ZNF608: variants seen among roughly 807,000 people sequenced by gnomAD.
The protein encoded by ZNF608 is zinc finger protein 608.
Under a neutral mutation model 109.0 loss-of-function variants are expected in ZNF608, and 12 were observed. The observed-to-expected ratio is 0.11, with a 90% CI of 0.07 to 0.18. The LOEUF (loss-of-function observed/expected upper bound fraction) is 0.18. Among genes scored for constraint, ZNF608 ranks in the 10% least tolerant of loss-of-function variants. The pLI is 1.00. For missense variants in ZNF608, 1,707 were observed against 1,879.3 expected, an observed-to-expected ratio of 0.91 and a Z score of 1.70; for synonymous variants, 732 against 717.4, an observed-to-expected ratio of 1.02 and a Z score of -0.33.
chr5:124,639,708 C>T (rs1750150840), intron 8 of ZNF608, among the ~76,000 whole-genome samples: 1 of 152,198 alleles, frequency 6.6e-6, no homozygotes, highest in African/African-American at 2.4e-5. Flanking sequence ...TTAACTTTCA[C>T]CCTGCAAGAC....
chr5:124,667,173 A>G (rs1751512868), intron 3 of ZNF608, among the ~76,000 whole-genome samples: 1 of 152,216 alleles, frequency 6.6e-6, no homozygotes, highest in Admixed American at 6.5e-5. Context: ...ATCTACTTAG[A>G]CCGTATTCAC....
chr5:124,645,563 TG>T (rs558770022), intron 5 of ZNF608, among the ~76,000 whole-genome samples: 267 of 151,412 alleles, frequency 1.8e-3, no homozygotes, highest in Non-Finnish European at 3.0e-3. Flanking sequence ...TATCTAAGCA[TG>T]GGGGTGAGGG....
intron 3 of ZNF608, among the ~76,000 whole-genome samples, chr5:124,673,532 C>T (rs1194521646): frequency 7.9e-5 from 12 of 151,880 alleles, no homozygotes; most frequent in Admixed American, 5.9e-4. Flanking sequence ...TAATAGAATT[C>T]GATAGATTCT....
intron 3 of ZNF608, among the ~76,000 whole-genome samples, chr5:124,693,972 A>ATTTTTTTTTTTT (rs1561564262): frequency 7.7e-4 from 18 of 23,310 alleles, no homozygotes; most frequent in Non-Finnish European, 9.7e-4. Context: ...CATTTCATTA[A>ATTTTTTTTTTTT]TCTTTTTTTT....
At chr5:124,748,673 CTGTGTA>C, upstream of ZNF608, 2 of 696,990 alleles carry the variant, frequency 2.9e-6, no homozygotes, top group Non-Finnish European at 3.5e-6. Context: ...ACAGACCGTC[CTGTGTA>C]TTTTTTATAA....
At chr5:124,737,688 G>A (rs1264313539) in intron 2 of ZNF608, among the ~76,000 whole-genome samples, 1 of 152,066 alleles carries the variant, frequency 6.6e-6, no homozygotes, top group Non-Finnish European at 1.5e-5. Flanking sequence ...ATTCCCAAAG[G>A]TATTTCCAAG....
chr5:124,646,803 T>C lies in ZNF608; in HGVS notation c.3581A>G (p.Gln1194Arg). The C allele has an allele frequency of 6.2e-7, 1 of 1,614,250 alleles. No homozygotes were observed. The highest frequency in any genetic ancestry group is 8.5e-7 in the Non-Finnish European group (1 of 1,180,040). ...CTGCTTAGCTTTGAAGCTGTCGGCC[T>C]GAAGCTGCTGCTGGTGATTGGAGAG... is the stretch of plus-strand genomic sequence containing the variant. ...QLLSNHQQQL[Q>R]ADSFKAKQME... The change falls in exon 5 of 10, where the codon CAG becomes CGG. Residue 1194 changes from glutamine to arginine, a missense_variant. This residue lies in a region of ZNF608 where 1,073 missense variants were observed against 1,133.5 expected (regional missense o/e 0.95). Coordinates refer to ENST00000513986, the MANE Select transcript of ZNF608 (RefSeq NM_020747.3).
At chr5:124,736,945 C>T (rs1749181280) in intron 2 of ZNF608, among the ~76,000 whole-genome samples, 1 of 152,194 alleles carries the variant, frequency 6.6e-6, no homozygotes, top group African/African-American at 2.4e-5. Context: ...ATCAGTGCAA[C>T]CAAAGACCAA....
In ZNF608 at chr5:124,666,739, G is replaced by A. The variant is rs967377143; in HGVS notation, c.1163-17042C>T. ...TGTGTGTGTGTGTGTGTGTGTGTGTGTGTGTGTGTGTGTGTGTGTTTCATC... is the reference window on the plus strand; with the variant it reads ...TGTGTGTGTGTGTGTGTGTGTGTGTATGTGTGTGTGTGTGTGTGTTTCATC... On this transcript the variant is annotated intron_variant, in intron 3 of 9. Coordinates refer to ENST00000513986, the MANE Select transcript of ZNF608 (RefSeq NM_020747.3). Among the ~76,000 whole-genome samples the A allele has an allele frequency of 1.3e-3, 189 of 151,118 alleles. 1 individual carries two copies. The highest frequency in any genetic ancestry group is 2.4e-4 in the Non-Finnish European group (16 of 67,558).
upstream of ZNF608, chr5:124,746,867 A>G (rs1230828830): frequency 1.2e-6 from 1 of 803,316 alleles, no homozygotes; most frequent in Non-Finnish European, 1.5e-6. Context: ...AGAGGAGAAA[A>G]AGAAAGGTGT....
At chr5:124,712,541 T>G (rs1753539093) in intron 2 of ZNF608, among the ~76,000 whole-genome samples, 1 of 152,046 alleles carries the variant, frequency 6.6e-6, no homozygotes, top group Non-Finnish European at 1.5e-5. Context: ...GCAGAGTGGC[T>G]GGAGAGGGAC....
At chr5:124,671,353 C>T (rs1273194587) in intron 3 of ZNF608, among the ~76,000 whole-genome samples, 3 of 152,280 alleles carry the variant, frequency 2.0e-5, no homozygotes, top group East Asian at 3.9e-4. Context: ...TGTGCCAAGA[C>T]TCACCTTGCC....
chr5:124,691,421 C>T (rs984906767), intron 3 of ZNF608, among the ~76,000 whole-genome samples: 2 of 152,096 alleles, frequency 1.3e-5, no homozygotes, highest in African/African-American at 4.8e-5. Context: ...CATGAGACAC[C>T]ATCTCATACC....
Position 124,675,065 on chromosome 5 carries a change from A to G in ZNF608, c.1163-25368T>C, listed in dbSNP as rs577595598. ...CTATGTTTGCCAAATACAACAACTA[A>G]TTAAAAACAAATAAATTAAAAACAA... On this transcript the variant is annotated intron_variant, in intron 3 of 9. Coordinates refer to ENST00000513986, the MANE Select transcript of ZNF608 (RefSeq NM_020747.3). Among the ~76,000 whole-genome samples, 9 of 152,280 alleles carry G rather than the reference A, an allele frequency of 5.9e-5. No individual in the cohort carries two copies. In the East Asian group the frequency reaches 1.7e-3, roughly 29 times the overall value.
intron 3 of ZNF608, among the ~76,000 whole-genome samples, chr5:124,694,069 G>C (rs375708446): frequency 7.4e-6 from 1 of 134,640 alleles, no homozygotes; most frequent in Non-Finnish European, 1.5e-5. Context: ...TCTGCCTCCC[G>C]GTTTCACGCC....
chr5:124,647,085 G>C lies in ZNF608; in HGVS notation c.3299C>G (p.Ala1100Gly), dbSNP rs892187993. The change falls in exon 5 of 10, where the codon GCC becomes GGC. Residue 1100 changes from alanine (A) to glycine (G), a missense_variant. Transcript: ENST00000513986. ...GTACTTCTCATACTGCTGTCTATAG[G>C]CAGGGCTGGTGGCCATCAGAGACTT... Reference protein sequence around the residue: ...DQKSLMATSPAYRQQYEKYYE... With the variant: ...DQKSLMATSPGYRQQYEKYYE... 6.2e-7 allele frequency: 1 copy of C among 1,614,070 alleles called. No individual in the cohort carries two copies.
At chr5:124,652,069 T>C (rs1418500228) in intron 3 of ZNF608, among the ~76,000 whole-genome samples, 2 of 152,166 alleles carry the variant, frequency 1.3e-5, no homozygotes, top group South Asian at 2.1e-4. Flanking sequence ...CAATACAGGC[T>C]CAAGGGAAAC....
rs180719226 is a variant in ZNF608, at chr5:124,672,407, A to G, written c.1163-22710T>C. ...GAAATAATGAATCTCTAAAGAACTAATAAACTAATCTAACTATGCCCTCAA... is the reference window on the plus strand; with the variant it reads ...GAAATAATGAATCTCTAAAGAACTAGTAAACTAATCTAACTATGCCCTCAA... On this transcript the variant is annotated intron_variant, in intron 3 of 9. Transcript: ENST00000513986. Among the ~76,000 whole-genome samples, 9 of 152,358 alleles carry G rather than the reference A, an allele frequency of 5.9e-5. No individual in the cohort carries two copies. In the East Asian group the frequency reaches 1.2e-3, roughly 20 times the overall value.
Position 124,644,245 on chromosome 5 carries a change from A to C in ZNF608, c.4122T>G (p.Pro1374=). The change falls in exon 6 of 10, where the codon CCT becomes CCG. Residue 1374 remains proline (P), a splice_region_variant and synonymous_variant. Transcript: ENST00000513986. The part of the protein sequence containing the change: ...AVSPVLMHSY[P]GAYLSPGFHY... Reference sequence around the variant, plus strand: ...ATAGTCAGAACCGACAACACGTACCAGGATAACTGTGCATTAGGACGGGAG... The same window carrying C: ...ATAGTCAGAACCGACAACACGTACCCGGATAACTGTGCATTAGGACGGGAG... The C allele has an allele frequency of 1.2e-6, 2 of 1,601,494 alleles. No homozygotes were observed. Among genetic ancestry groups the C allele is most frequent in the Non-Finnish European group, 1.7e-6 (2 of 1,170,110 alleles).
Sources: gnomAD v4.1 joint callset for allele counts (sites outside exome capture counted in the v4.1 genomes callset) on GRCh38, gnomAD v4.1.1 for gene constraint, gnomAD v4.1.1 regional missense constraint, MANE v1.5 for transcripts, NCBI Gene and HGNC (gene_info 2026-07-23, HGNC 2026-07-21) for gene names.